SCMH1: variants seen among roughly 807,000 people sequenced by gnomAD.
SCMH1 encodes Scm polycomb group protein homolog 1, also known as polycomb protein SCMH1.
A neutral mutation model predicts 70.8 loss-of-function variants in SCMH1; 37 were observed. That is an observed-to-expected ratio of 0.52 (90% CI 0.40 to 0.69). SCMH1 has a LOEUF of 0.69. SCMH1 is among the 30% of genes least tolerant of loss of function. SCMH1 has a pLI of 0.00. For missense variants in SCMH1, 607 were observed against 827.3 expected (o/e 0.73, Z 3.27); for synonymous variants, 292 against 307.4 (o/e 0.95, Z 0.52).
chr1:41,080,989 T>C (rs984402192), intron 8 of SCMH1, among the ~76,000 whole-genome samples: 11 of 152,166 alleles, frequency 7.2e-5, no homozygotes, highest in African/African-American at 2.7e-4. Flanking sequence ...CGTGACATGA[T>C]TGTTTACATA....
intron 1 of SCMH1, among the ~76,000 whole-genome samples, chr1:41,199,587 C>T (rs1653820939): frequency 6.6e-6 from 1 of 152,112 alleles, no homozygotes; most frequent in Non-Finnish European, 1.5e-5. Context: ...GGTCACTCAA[C>T]TTCTAAATGC....
At chr1:41,031,994 C>T (rs1305692559) in intron 13 of SCMH1, among the ~76,000 whole-genome samples, 1 of 149,468 alleles carries the variant, frequency 6.7e-6, no homozygotes, top group Non-Finnish European at 1.5e-5. Context: ...GAGATTAGTA[C>T]TCTCATCAAA....
At chr1:41,152,964 G>T (rs1645197655) in intron 4 of SCMH1, among the ~76,000 whole-genome samples, 1 of 152,158 alleles carries the variant, frequency 6.6e-6, no homozygotes, top group African/African-American at 2.4e-5. Context: ...TTAGTCCATA[G>T]GGCAAATGAG....
intron 4 of SCMH1, chr1:41,160,059 C>T: frequency 4.3e-6 from 1 of 235,030 alleles, no homozygotes; most frequent in Non-Finnish European, 8.2e-6. Flanking sequence ...GACTCCTAGT[C>T]TAGTGTTCTA....
intron 13 of SCMH1, among the ~76,000 whole-genome samples, chr1:41,032,080 A>G (rs575277476): frequency 2.8e-4 from 43 of 152,174 alleles, no homozygotes; most frequent in Non-Finnish European, 5.3e-4. Flanking sequence ...TGAACCAGGA[A>G]GTGGGTCCTC....
intron 8 of SCMH1, among the ~76,000 whole-genome samples, chr1:41,081,505 T>C (rs192772674): frequency 1.7e-4 from 26 of 152,248 alleles, no homozygotes; most frequent in Non-Finnish European, 3.5e-4. Flanking sequence ...AGATTCATTA[T>C]AAAGTTACAG....
At chr1:41,216,306 T>G (rs905719879) in intron 1 of SCMH1, among the ~76,000 whole-genome samples, 1 of 152,174 alleles carries the variant, frequency 6.6e-6, no homozygotes, top group South Asian at 2.1e-4. Context: ...CTCATTAAGG[T>G]AGGCAAAAGT....
In SCMH1 at chr1:41,239,361, C is replaced by A. The variant is rs544642395; in HGVS notation, c.-118+2698G>T. ...TGTTTGCCTCACTTACTCCTACCTA[C>A]CATTTAAGATTTGGGTCAGATATCA... On this transcript the variant is annotated intron_variant, in intron 1 of 14. Coordinates refer to ENST00000337495, the Ensembl canonical transcript of SCMH1. Among the ~76,000 whole-genome samples, 279 of 152,332 alleles carry A rather than the reference C, an allele frequency of 1.8e-3. 1 individual carries two copies. Among genetic ancestry groups the A allele is most frequent in the Non-Finnish European group, 2.7e-3 (184 of 68,034 alleles).
At chr1:41,236,377 C>T (rs1228700777) in intron 1 of SCMH1, among the ~76,000 whole-genome samples, 1 of 152,124 alleles carries the variant, frequency 6.6e-6, no homozygotes, top group East Asian at 1.9e-4. Flanking sequence ...AGGAGATAGC[C>T]TGGCTTCCAC....
intron 8 of SCMH1, among the ~76,000 whole-genome samples, chr1:41,083,009 G>T (rs1309289107): frequency 1.3e-5 from 2 of 152,124 alleles, no homozygotes; most frequent in African/African-American, 4.8e-5. Flanking sequence ...CAAACCCACA[G>T]CCAATATCAT....
intron 2 of SCMH1, among the ~76,000 whole-genome samples, chr1:41,182,371 C>T (rs1195591191): frequency 6.6e-6 from 1 of 151,974 alleles, no homozygotes; most frequent in Non-Finnish European, 1.5e-5. Context: ...AAACAAAATC[C>T]ATACTCAATT....
At chr1:41,142,165 C>T (rs1170855884) in intron 6 of SCMH1, among the ~76,000 whole-genome samples, 1 of 151,702 alleles carries the variant, frequency 6.6e-6, no homozygotes, top group Admixed American at 6.6e-5. Context: ...TAAATAAGTA[C>T]CTAGGGAGCC....
rs1553178509 is a variant in SCMH1 at position 41,208,441 on chromosome 1, A to AAT, written c.-117-22192_-117-22191insAT. On this transcript the variant is annotated intron_variant, in intron 1 of 14. Transcript: ENST00000337495. ...TAGAGTATAAGAAAAAAATTAAAAA[A>AAT]AAAAAATAAAAAATAAAAGTGACCA... 6.1e-4 allele frequency among the ~76,000 whole-genome samples: 83 copies of AAT among 135,096 alleles called. No homozygotes were observed. The Middle Eastern group carries it at 0.011, about 19-fold the overall frequency. The allele number at this position is 135,096 out of a possible 152,430, so 88.6% of individuals were successfully genotyped here.
intron 1 of SCMH1, among the ~76,000 whole-genome samples, chr1:41,206,617 T>C (rs1373793582): frequency 6.6e-6 from 1 of 152,214 alleles, no homozygotes; most frequent in Non-Finnish European, 1.5e-5. Flanking sequence ...GAAAACACTC[T>C]TCAGGATATT....
Position 41,063,424 on chromosome 1 carries a change from G to C in SCMH1, c.1105+7171C>G, listed in dbSNP as rs544473747. On this transcript the variant is annotated intron_variant, in intron 10 of 14. Coordinates refer to ENST00000337495, the Ensembl canonical transcript of SCMH1. ...GGAGGTGGAAGTTGCAGTGAGCTGA[G>C]ATCGCACCACTGCACTCCAGCCTGG... Among the ~76,000 whole-genome samples the C allele has an allele frequency of 8.5e-5, 13 of 152,210 alleles. No homozygotes were observed. The South Asian group carries it at 2.3e-3, about 27-fold the overall frequency.
chr1:41,214,030 A>G (rs1456916173), intron 1 of SCMH1, among the ~76,000 whole-genome samples: 1 of 152,184 alleles, frequency 6.6e-6, no homozygotes, highest in Non-Finnish European at 1.5e-5. Flanking sequence ...TTTTACATAT[A>G]AAGACCATCT....
intron 8 of SCMH1, among the ~76,000 whole-genome samples, chr1:41,107,745 C>T (rs1051996395): frequency 6.6e-6 from 1 of 152,124 alleles, no homozygotes; most frequent in Admixed American, 6.5e-5. Context: ...GTCTCGATCT[C>T]TTGACCTTGT....
intron 1 of SCMH1, among the ~76,000 whole-genome samples, chr1:41,205,432 G>A (rs1655297734): frequency 6.6e-6 from 1 of 152,240 alleles, no homozygotes; most frequent in South Asian, 2.1e-4. Context: ...ATGGAGCCTT[G>A]CTCACTGCTA....
intron 1 of SCMH1, among the ~76,000 whole-genome samples, chr1:41,194,840 T>C (rs1652607202): frequency 6.6e-6 from 1 of 152,056 alleles, no homozygotes; most frequent in South Asian, 2.1e-4. Context: ...TTGCAAACCT[T>C]TTCTATGAAG....
Sources: gnomAD v4.1 joint callset for allele counts (sites outside exome capture counted in the v4.1 genomes callset) on GRCh38, gnomAD v4.1.1 for gene constraint, MANE v1.5 for transcripts, NCBI Gene and HGNC (gene_info 2026-07-23, HGNC 2026-07-21) for gene names.